PDE1C: variants seen among roughly 807,000 people sequenced by gnomAD.
The protein encoded by PDE1C is phosphodiesterase 1C, also known as dual specificity calcium/calmodulin-dependent 3',5'-cyclic nucleotide phosphodiesterase 1C.
In PDE1C, 62 loss-of-function variants were observed where a neutral mutation model predicts 93.1. That is an observed-to-expected ratio of 0.67 (90% CI 0.54 to 0.82). The LOEUF is 0.82. PDE1C is among the 40% of genes least tolerant of loss of function. PDE1C has a pLI of 0.00. For missense variants in PDE1C, 742 were observed against 884.6 expected (o/e 0.84, Z 2.04); for synonymous variants, 325 against 310.1 (o/e 1.05, Z -0.50).
At chr7:31,876,054 G>C (rs1046178358) in intron 5 of PDE1C, among the ~76,000 whole-genome samples, 1 of 151,378 alleles carries the variant, frequency 6.6e-6, no homozygotes, top group Non-Finnish European at 1.5e-5. Context: ...TGAACTTCTG[G>C]CAATGAAGTG....
intron 16 of PDE1C, among the ~76,000 whole-genome samples, chr7:31,803,399 T>TTATTATTATTATTA (rs372230970): frequency 6.0e-5 from 9 of 150,088 alleles, no homozygotes; most frequent in African/African-American, 2.0e-4. Context: ...GCTTTTTCTT[T>TTATTATTATTATTA]TTATTATTAT....
At chr7:32,151,849 A>T (rs1365573306) in intron 3 of PDE1C, among the ~76,000 whole-genome samples, 6 of 152,242 alleles carry the variant, frequency 3.9e-5, no homozygotes. Flanking sequence ...ATGGGTTCAC[A>T]GGCTCAAATG....
chr7:32,262,047 G>A (rs1810246974), intron 1 of PDE1C, among the ~76,000 whole-genome samples: 1 of 144,128 alleles, frequency 6.9e-6, no homozygotes, highest in Non-Finnish European at 1.5e-5. Flanking sequence ...GACATCTAGT[G>A]GCTGGTGAAA....
At chr7:31,793,997 T>C (rs1460430646) in intron 16 of PDE1C, among the ~76,000 whole-genome samples, 2 of 46,828 alleles carry the variant, frequency 4.3e-5, no homozygotes, top group African/African-American at 1.8e-4. Context: ...ACCAGATAGA[T>C]AGATAGATAG....
intron 17 of PDE1C, among the ~76,000 whole-genome samples, chr7:31,768,289 G>A (rs1288347464): frequency 6.6e-6 from 1 of 152,148 alleles, no homozygotes; most frequent in Non-Finnish European, 1.5e-5. Context: ...AGTGAGTCGG[G>A]CCAGGCTGCG....
rs1438710026 is a variant in PDE1C at position 32,035,847 on chromosome 7, G to T, written c.128+15707C>A. On this transcript the variant is annotated intron_variant, in intron 2 of 17. Transcript: ENST00000396191. ...CTTCTGATGGCAATGGATGCCAGCT[G>T]CTGCTGAGAAAACAGGAAAGGTAAT... is the stretch of plus-strand genomic sequence containing the variant. Among the ~76,000 whole-genome samples the T allele has an allele frequency of 2.6e-5, 4 of 152,168 alleles. No individual in the cohort carries two copies. In the South Asian group the frequency reaches 8.3e-4, roughly 31 times the overall value.
intron 2 of PDE1C, among the ~76,000 whole-genome samples, chr7:31,946,560 C>T (rs1361674374): frequency 6.6e-6 from 1 of 152,170 alleles, no homozygotes; most frequent in Non-Finnish European, 1.5e-5. Flanking sequence ...GAATATGTTC[C>T]ATATGCTTCA....
intron 3 of PDE1C, among the ~76,000 whole-genome samples, chr7:32,113,080 A>G (rs1798764515): frequency 6.7e-6 from 1 of 149,798 alleles, no homozygotes; most frequent in Non-Finnish European, 1.5e-5. Context: ...CAAATTGAAT[A>G]GCATATGAGC....
chr7:32,372,052 ATTTTTT>A (rs70989652), intron 1 of PDE1C, among the ~76,000 whole-genome samples: 5 of 132,492 alleles, frequency 3.8e-5, no homozygotes, highest in African/African-American at 1.4e-4. Context: ...TGGTCAATTG[ATTTTTT>A]TTTTTTTTTT....
chr7:32,031,862 T>C (rs1042434414), intron 2 of PDE1C, among the ~76,000 whole-genome samples: 9 of 152,270 alleles, frequency 5.9e-5, no homozygotes, highest in African/African-American at 2.2e-4. Flanking sequence ...AAGGAGACTG[T>C]GTCCAGACGT....
intron 2 of PDE1C, among the ~76,000 whole-genome samples, chr7:31,976,569 A>G (rs1025786297): frequency 5.3e-5 from 8 of 152,168 alleles, no homozygotes; most frequent in Admixed American, 2.0e-4. Context: ...TCCTCTTGCT[A>G]TATCAAAACT....
chr7:31,990,162 C>A (rs1339981361), intron 2 of PDE1C, among the ~76,000 whole-genome samples: 1 of 152,126 alleles, frequency 6.6e-6, no homozygotes, highest in East Asian at 1.9e-4. Context: ...CTCTGTATCC[C>A]CATCCAAATC....
chr7:32,202,227 A>C (rs1296652293), intron 2 of PDE1C, among the ~76,000 whole-genome samples: 3 of 152,198 alleles, frequency 2.0e-5, no homozygotes, highest in African/African-American at 7.2e-5. Flanking sequence ...ACTGGCTAAC[A>C]TATTAGGGAC....
intron 1 of PDE1C, among the ~76,000 whole-genome samples, chr7:32,271,348 TA>T (rs1175146224): frequency 1.3e-5 from 2 of 152,246 alleles, no homozygotes; most frequent in Non-Finnish European, 2.9e-5. Context: ...AGATACATAT[TA>T]TTTCCTTTAG....
At chr7:32,189,715 GA>G (rs1804105493) in intron 2 of PDE1C, among the ~76,000 whole-genome samples, 1 of 152,178 alleles carries the variant, frequency 6.6e-6, no homozygotes, top group Non-Finnish European at 1.5e-5. Context: ...AAAAGCGTTT[GA>G]AAGTAATTGA....
At chr7:31,964,542 C>T (rs1263589165) in intron 2 of PDE1C, among the ~76,000 whole-genome samples, 2 of 152,230 alleles carry the variant, frequency 1.3e-5, no homozygotes, top group African/African-American at 2.4e-5. Context: ...AGGGCACAGA[C>T]AAACAAAAGG....
intron 2 of PDE1C, among the ~76,000 whole-genome samples, chr7:31,929,035 G>A (rs956499383): frequency 3.4e-4 from 51 of 151,846 alleles, no homozygotes; most frequent in African/African-American, 1.2e-3. Context: ...GTATTCAGGA[G>A]ACCCATCTCA....
the PDE1C span, chr7:31,652,990 C>T: frequency 7.0e-7 from 1 of 1,434,838 alleles, no homozygotes; most frequent in Non-Finnish European, 9.1e-7. Context: ...GTTTAGAATA[C>T]TCTAATACTC....
intron 1 of PDE1C, among the ~76,000 whole-genome samples, chr7:32,392,810 G>A (rs1784774316): frequency 6.6e-6 from 1 of 151,974 alleles, no homozygotes; most frequent in South Asian, 2.1e-4. Context: ...AAGCACTTTG[G>A]GAGGCTGAGA....
Sources: allele counts gnomAD v4.1 joint callset (sites outside exome capture counted in the v4.1 genomes callset), GRCh38; gene constraint gnomAD v4.1.1; transcripts MANE v1.5; gene names NCBI Gene and HGNC (gene_info 2026-07-23, HGNC 2026-07-21).